VWCE: variants seen among roughly 807,000 people sequenced by gnomAD.
The protein encoded by VWCE is von Willebrand factor C and EGF domains, also known as von Willebrand factor C and EGF domain-containing protein.
In VWCE, 68 loss-of-function variants were observed where a neutral mutation model predicts 102.9. The observed-to-expected ratio is 0.66, with a 90% confidence interval of 0.54 to 0.81. The LOEUF is 0.81. Ranked by LOEUF, VWCE falls within the 30% of genes least tolerant of loss-of-function variation. The pLI, the probability that VWCE is intolerant of heterozygous loss-of-function variation, is 0.00. For synonymous variants in VWCE, 497 were observed against 515.4 expected (o/e 0.96, Z 0.48); for missense variants, 1,137 against 1,263.6 (o/e 0.90, Z 1.52).
intron 9 of VWCE, among the ~76,000 whole-genome samples, chr11:61,278,884 C>CA (rs1241793933): frequency 6.6e-6 from 1 of 151,698 alleles, no homozygotes; most frequent in Non-Finnish European, 1.5e-5. Context: ...ACTGAAAATA[C>CA]AAAAATTAGC....
intron 1 of VWCE, 47 bp from the exon 2 acceptor site, chr11:61,291,623 C>T: frequency 1.5e-6 from 2 of 1,359,490 alleles, no homozygotes; most frequent in Non-Finnish European, 1.9e-6. Flanking sequence ...CTGGGGGAGA[C>T]ATTGGTCAAC....
chr11:61,286,938 A>C (rs967007125), intron 4 of VWCE, among the ~76,000 whole-genome samples: 4 of 151,858 alleles, frequency 2.6e-5, no homozygotes, highest in African/African-American at 4.8e-5. Flanking sequence ...TCTACTAAAA[A>C]TACAAAAAAT....
chr11:61,270,066 C>T lies in VWCE; in HGVS notation c.1786-1048G>A, dbSNP rs190064956. Among the ~76,000 whole-genome samples the T allele has an allele frequency of 1.5e-3, 227 of 151,888 alleles. 1 individual carries two copies. The highest frequency in any genetic ancestry group is 3.3e-3 in the African/African-American group (138 of 41,422). ...CCGAGTAGCTGGGATTACAGGTGCC[C>T]GCCACCACGCCCAGCTAATTTTTTT... On this transcript the variant is annotated intron_variant, in intron 14 of 19. Transcript: ENST00000335613.
intron 4 of VWCE, among the ~76,000 whole-genome samples, chr11:61,289,911 T>C (rs1345434652): frequency 6.6e-6 from 1 of 152,242 alleles, no homozygotes; most frequent in Non-Finnish European, 1.5e-5. Flanking sequence ...AAAAAGGCTT[T>C]TGTCGCTCTG....
rs183074733 is a variant in VWCE at position 61,279,797 on chromosome 11, C to T, written c.1324+827G>A. On this transcript the variant is annotated intron_variant, in intron 9 of 19. Coordinates refer to ENST00000335613, the MANE Select transcript of VWCE (RefSeq NM_152718.2). ...CTGGAGTGCAGTGGCACAAACATGG[C>T]TCACTGCAGCCTCGACCTCCTGAGC... Among the ~76,000 whole-genome samples the T allele has an allele frequency of 2.8e-3, 419 of 152,232 alleles. 2 individuals are homozygous for T. Among genetic ancestry groups the T allele is most frequent in the African/African-American group, 9.8e-3 (407 of 41,536 alleles).
rs1392138811 is a variant in VWCE at position 61,294,890 on chromosome 11, C to A, written c.110+38G>T. On this transcript the variant is annotated intron_variant, in intron 1 of 19. Transcript: ENST00000335613. The surrounding 1 kb of genome is among the most constrained non-coding windows in gnomAD (Gnocchi z 6.3). Reference sequence around the variant, plus strand: ...CTCGACTGCACGCCGGTAGCGCTCTCCCGGGCGGGGGAGCGGGGAGGAGCT... The same window carrying A: ...CTCGACTGCACGCCGGTAGCGCTCTACCGGGCGGGGGAGCGGGGAGGAGCT... 5.2e-6 allele frequency: 7 copies of A among 1,341,266 alleles called. No homozygotes were observed. The Admixed American group carries it at 1.9e-4, about 37-fold the overall frequency. The allele number at this position is 1,341,266 out of a possible 1,614,324, so 83.1% of individuals were successfully genotyped here. A position where few individuals can be genotyped will look rare whatever the true frequency, so the allele number is the denominator to read the frequency against.
At chr11:61,286,014 A>G (rs930983281) in intron 5 of VWCE, among the ~76,000 whole-genome samples, 4 of 152,118 alleles carry the variant, frequency 2.6e-5, no homozygotes, top group Admixed American at 1.3e-4. Context: ...TTGACCTCCC[A>G]AAGTGCAAGG....
Position 61,280,964 on chromosome 11 carries a change from G to A in VWCE, c.1059C>T (p.Asn353=), listed in dbSNP as rs1157220099. ...TPVPTASLLG[N]LRPPSLLQGE... is the part of the protein sequence containing the mutation. ...CCTGAAGGAGTGAGGGGGGTCTGAGGTTCCCCAGCAGGGAGGCAGTAGGCA... is the reference window on the plus strand; with the variant it reads ...CCTGAAGGAGTGAGGGGGGTCTGAGATTCCCCAGCAGGGAGGCAGTAGGCA... The change falls in exon 8 of 20, where the codon AAC becomes AAT. Residue 353 remains asparagine, a synonymous_variant. Transcript: ENST00000335613. 3 of 1,535,070 alleles carry A rather than the reference G, an allele frequency of 2.0e-6. No individual in the cohort carries two copies. Among genetic ancestry groups the A allele is most frequent in the Non-Finnish European group, 2.6e-6 (3 of 1,143,022 alleles).
chr11:61,280,488 C>T (rs550319384), intron 9 of VWCE, 136 bp downstream of exon 9: 3 of 871,946 alleles, frequency 3.4e-6, no homozygotes, highest in South Asian at 1.8e-5. Flanking sequence ...GGGAGCAGCG[C>T]CAAGGGAAGT....
intron 16 of VWCE, among the ~76,000 whole-genome samples, chr11:61,266,225 T>C (rs1464251105): frequency 6.6e-6 from 1 of 152,068 alleles, no homozygotes; most frequent in Middle Eastern, 3.2e-3. Context: ...ATTTTTTAGC[T>C]ACATTTTTAA....
At chr11:61,265,721 C>T (rs2014786) in intron 16 of VWCE, among the ~76,000 whole-genome samples, 6,982 of 152,282 alleles carry the variant, frequency 0.046, 543 homozygotes, top group African/African-American at 0.16. Context: ...GCAGCGTCAT[C>T]CCGCATTCAG....
rs192933470 is a variant in VWCE, at chr11:61,266,626, T to A, written c.1965+836A>T. ...CATGCTTTTTCAGACTGAGAGGCAG[T>A]ATGACCCAGGAGAAGAAATATGCAT... On this transcript the variant is annotated intron_variant, in intron 16 of 19. Coordinates refer to ENST00000335613, the MANE Select transcript of VWCE (RefSeq NM_152718.2). 1.7e-3 allele frequency among the ~76,000 whole-genome samples: 258 copies of A among 152,278 alleles called. 1 individual carries two copies. Among genetic ancestry groups the A allele is most frequent in the South Asian group, 7.1e-3 (34 of 4,820 alleles).
At chr11:61,267,937 C>T (rs1020498929) in intron 15 of VWCE, among the ~76,000 whole-genome samples, 2 of 152,018 alleles carry the variant, frequency 1.3e-5, no homozygotes, top group African/African-American at 4.8e-5. Context: ...CCCGCCTGTC[C>T]AGAACATTCC....
At chr11:61,264,158 G>A (rs922680020) in intron 19 of VWCE, among the ~76,000 whole-genome samples, 2 of 150,188 alleles carry the variant, frequency 1.3e-5, no homozygotes, top group South Asian at 2.1e-4. Flanking sequence ...CCCGGGAGGC[G>A]GAGCTTGCAG....
Position 61,293,151 on chromosome 11 carries a change from G to A in VWCE, c.111-1575C>T, listed in dbSNP as rs1455242836. 2.1e-5 allele frequency among the ~76,000 whole-genome samples: 3 copies of A among 146,220 alleles called. No homozygotes were observed. The East Asian group carries it at 6.2e-4, about 30-fold the overall frequency. On this transcript the variant is annotated intron_variant, in intron 1 of 19. Transcript: ENST00000335613. ...AGCTACTTGGGAGGGTGAGGTAGGAGAATTGCTTGAACCTGGGAGGCGGAG... is the reference window on the plus strand; with the variant it reads ...AGCTACTTGGGAGGGTGAGGTAGGAAAATTGCTTGAACCTGGGAGGCGGAG...
At position 61,294,248 on chromosome 11, in the gene VWCE, C is replaced by T. The variant is rs917192795; in HGVS notation, c.110+680G>A. ...CACACGTGTGAGCTACAAGCCTGGC[C>T]GGGCCGCCCCCGCTGCGCGCCCCCC... On this transcript the variant is annotated intron_variant, in intron 1 of 19. Coordinates refer to ENST00000335613, the MANE Select transcript of VWCE (RefSeq NM_152718.2). This position sits in a 1 kb window ranked among gnomAD's most constrained non-coding sequence, Gnocchi z 6.3. 6.6e-6 allele frequency among the ~76,000 whole-genome samples: 1 copy of T among 152,164 alleles called. No homozygotes were observed. The highest frequency in any genetic ancestry group is 1.5e-5 in the Non-Finnish European group (1 of 68,014).
At chr11:61,282,942 C>G (rs200772384) in intron 5 of VWCE, 37 bp from the exon 6 acceptor site, 1 of 1,545,550 alleles carries the variant, frequency 6.5e-7, no homozygotes, top group Non-Finnish European at 8.9e-7. Context: ...GTTCATTTCC[C>G]CAACAGAACC....
intron 12 of VWCE, among the ~76,000 whole-genome samples, chr11:61,274,118 A>G (rs1042018942): frequency 4.6e-5 from 7 of 151,888 alleles, no homozygotes; most frequent in African/African-American, 1.7e-4. Flanking sequence ...CAGCAACCTC[A>G]GCTCCCCACC....
chr11:61,264,652 C>T, intron 18 of VWCE, 75 bp from the exon 19 acceptor site: 2 of 1,437,832 alleles, frequency 1.4e-6, no homozygotes, highest in Non-Finnish European at 1.9e-6. Flanking sequence ...TCAAGGGCCT[C>T]TTGCACCAGC....
Sources: gnomAD v4.1 joint callset for allele counts (sites outside exome capture counted in the v4.1 genomes callset) on GRCh38, gnomAD v4.1.1 for gene constraint, Gnocchi (gnomAD v3.1) non-coding constraint, MANE v1.5 for transcripts, NCBI Gene and HGNC (gene_info 2026-07-23, HGNC 2026-07-21) for gene names.